SLMAP: variants seen among roughly 807,000 people sequenced by gnomAD.
The protein encoded by SLMAP is sarcolemma associated protein.
SLMAP carries 44 observed loss-of-function variants against 128.8 expected under a neutral mutation model. The ratio of observed to expected loss-of-function variants is 0.34; its 90% CI spans 0.27 to 0.44. The LOEUF (loss-of-function observed/expected upper bound fraction) is 0.44, where lower values mean the gene tolerates loss of function less well. Among genes scored for constraint, SLMAP ranks in the 20% least tolerant of loss-of-function variants. The pLI is 1.00. For synonymous variants in SLMAP, 327 were observed against 348.8 expected (o/e 0.94, Z 0.70); for missense variants, 787 against 985.3 (o/e 0.80, Z 2.69).
At chr3:57,849,950 G>A in intron 6 of SLMAP, 134 bp downstream of exon 6, 1 of 614,992 alleles carries the variant, frequency 1.6e-6, no homozygotes, top group Non-Finnish European at 2.9e-6. Context: ...TAGGCAGAAG[G>A]ATTCTTTGAG....
At chr3:57,920,331 A>G (rs2096894131) in intron 22 of SLMAP, among the ~76,000 whole-genome samples, 1 of 152,234 alleles carries the variant, frequency 6.6e-6, no homozygotes, top group Non-Finnish European at 1.5e-5. Flanking sequence ...GAATGTTGTT[A>G]GGTAACAGGG....
intron 2 of SLMAP, among the ~76,000 whole-genome samples, chr3:57,827,302 G>A (rs1001451400): frequency 2.6e-5 from 4 of 152,218 alleles, no homozygotes; most frequent in Non-Finnish European, 4.4e-5. Flanking sequence ...TTTACAGATT[G>A]TAGCAAAGTT....
intron 2 of SLMAP, among the ~76,000 whole-genome samples, chr3:57,818,284 T>G (rs969943118): frequency 2.0e-5 from 3 of 152,178 alleles, no homozygotes; most frequent in African/African-American, 7.2e-5. Context: ...GCCTCCCTAG[T>G]AGCTGGGATT....
chr3:57,875,728 A>T (rs752817222), intron 14 of SLMAP, among the ~76,000 whole-genome samples: 1 of 152,152 alleles, frequency 6.6e-6, no homozygotes, highest in Admixed American at 6.5e-5. Context: ...AAACTTTCCA[A>T]ATCTGTTCGT....
intron 4 of SLMAP, among the ~76,000 whole-genome samples, chr3:57,845,005 G>C (rs769629218): frequency 5.3e-5 from 8 of 152,156 alleles, no homozygotes; most frequent in Non-Finnish European, 7.3e-5. Flanking sequence ...CATATCTGCA[G>C]AGAAAAGGAT....
intron 2 of SLMAP, among the ~76,000 whole-genome samples, chr3:57,819,404 G>A (rs2092285896): frequency 6.6e-6 from 1 of 152,076 alleles, no homozygotes; most frequent in South Asian, 2.1e-4. Flanking sequence ...TCTTTTTTGG[G>A]CAGGTGTACT....
Position 57,766,249 on chromosome 3 carries a change from C to G in SLMAP, c.198+8400C>G, listed in dbSNP as rs925149596. On this transcript the variant is annotated intron_variant, in intron 2 of 24. Coordinates refer to ENST00000671191, the MANE Select transcript of SLMAP (RefSeq NM_001377540.1). ...GCCAGGATGGTCTCGATTTCCTGAC[C>G]TCGTGATCCGCCTGCCTCAGCCTCC... Among the ~76,000 whole-genome samples the G allele has an allele frequency of 1.0e-4, 15 of 149,386 alleles. No homozygotes were observed. In the Admixed American group the frequency reaches 1.0e-3, roughly 10 times the overall value.
intron 3 of SLMAP, among the ~76,000 whole-genome samples, chr3:57,838,688 A>G (rs2093759140): frequency 6.6e-6 from 1 of 152,186 alleles, no homozygotes; most frequent in Non-Finnish European, 1.5e-5. Flanking sequence ...GAATTAGAAA[A>G]TCTGAGCCTG....
intron 6 of SLMAP, among the ~76,000 whole-genome samples, chr3:57,854,603 TAAAAC>T (rs2094681333): frequency 1.3e-5 from 2 of 151,922 alleles, no homozygotes; most frequent in African/African-American, 4.8e-5. Flanking sequence ...GTCTCAGAAA[TAAAAC>T]AAAAATGTAT....
At chr3:57,831,649 A>G (rs1327920881) in intron 3 of SLMAP, 119 bp downstream of exon 3, 1 of 617,612 alleles carries the variant, frequency 1.6e-6, no homozygotes, top group African/African-American at 1.9e-5. Context: ...ATACAGCATT[A>G]TATACAGTGA....
chr3:57,912,203 G>GTTTTTTTT, intron 19 of SLMAP, 178 bp from the exon 20 acceptor site: 2 of 522,238 alleles, frequency 3.8e-6, no homozygotes, highest in African/African-American at 1.9e-5. Flanking sequence ...GATCACTTTG[G>GTTTTTTTT]TTTTTTTTTC....
chr3:57,814,426 C>T (rs750573561), intron 2 of SLMAP, among the ~76,000 whole-genome samples: 1 of 152,126 alleles, frequency 6.6e-6, no homozygotes, highest in Non-Finnish European at 1.5e-5. Flanking sequence ...CAGGTGTGAG[C>T]CACCGTGCCC....
chr3:57,866,245 C>G lies in SLMAP; in HGVS notation c.1237+953C>G, dbSNP rs965505509. ...CATAATTGTGCCACTGCACTCCAGC[C>G]TGGGTGACGAGCAAGGCCCTGTCTT... On this transcript the variant is annotated intron_variant, in intron 13 of 24. Transcript: ENST00000671191. Among the ~76,000 whole-genome samples, 3 of 151,744 alleles carry G rather than the reference C, an allele frequency of 2.0e-5. No homozygotes were observed. The East Asian group carries it at 5.8e-4, about 29-fold the overall frequency.
Position 57,857,590 on chromosome 3 carries a change from A to G in SLMAP, c.520-143A>G, listed in dbSNP as rs2094857018. On this transcript the variant is annotated intron_variant, in intron 6 of 24. Transcript: ENST00000671191. The stretch of plus-strand genomic sequence containing the variant: ...AAGCGGGGACTGCTGTATGTTTTAC[A>G]AAGTACTATCAAGTTTCACTACTTT... 8.1e-6 allele frequency: 5 copies of G among 619,560 alleles called. No individual in the cohort carries two copies. In the South Asian group the frequency reaches 1.1e-4, roughly 13 times the overall value. The allele number at this position is 619,560 out of a possible 1,614,324, so 38.4% of individuals were successfully genotyped here.
intron 4 of SLMAP, among the ~76,000 whole-genome samples, chr3:57,841,650 A>C (rs182030341): frequency 6.6e-6 from 1 of 152,240 alleles, no homozygotes. Context: ...TGTTTTTCAC[A>C]ATGTTTCAAG....
chr3:57,764,356 A>C (rs537671465), intron 2 of SLMAP, among the ~76,000 whole-genome samples: 1 of 151,948 alleles, frequency 6.6e-6, no homozygotes, highest in Non-Finnish European at 1.5e-5. Flanking sequence ...ACAAAAATTA[A>C]CCAAGTGTGG....
At chr3:57,914,199 G>A (rs2096760845) in intron 21 of SLMAP, among the ~76,000 whole-genome samples, 1 of 151,890 alleles carries the variant, frequency 6.6e-6, no homozygotes, top group Admixed American at 6.6e-5. Flanking sequence ...GTTTAAAATG[G>A]GTTTATTCCG....
chr3:57,870,515 G>A (rs965661196), intron 13 of SLMAP, among the ~76,000 whole-genome samples: 15 of 152,132 alleles, frequency 9.9e-5, no homozygotes, highest in African/African-American at 3.4e-4. Context: ...TGATGGTGAT[G>A]ATAGATGAGA....
chr3:57,803,902 C>T (rs1365015216), intron 2 of SLMAP, among the ~76,000 whole-genome samples: 11 of 152,216 alleles, frequency 7.2e-5, no homozygotes, highest in Admixed American at 7.2e-4. Context: ...GTAAATAATT[C>T]TGTCACGTGC....
Sources: allele counts gnomAD v4.1 joint callset (sites outside exome capture counted in the v4.1 genomes callset), GRCh38; gene constraint gnomAD v4.1.1; transcripts MANE v1.5; gene names NCBI Gene and HGNC (gene_info 2026-07-23, HGNC 2026-07-21).